Variants in ZNF804A observed in about 807,000 individuals in gnomAD.
The protein encoded by ZNF804A is zinc finger protein 804A.
ZNF804A carries 2 observed loss-of-function variants against 16.5 expected under a neutral mutation model. The observed-to-expected ratio is 0.12, with a 90% CI of 0.05 to 0.38. The LOEUF (loss-of-function observed/expected upper bound fraction) is 0.38, where lower values mean the gene tolerates loss of function less well. Ranked by LOEUF, ZNF804A falls within the 10% of genes least tolerant of loss-of-function variation. The pLI is 0.99. For synonymous variants in ZNF804A, 534 were observed against 489.6 expected, an observed-to-expected ratio of 1.09 and a Z score of -1.20; for missense variants, 1,473 against 1,390.7, an observed-to-expected ratio of 1.06 and a Z score of -0.94.
intron 1 of ZNF804A, among the ~76,000 whole-genome samples, chr2:184,748,047 C>T (rs1444432691): frequency 1.3e-5 from 2 of 151,272 alleles, no homozygotes; most frequent in Non-Finnish European, 3.0e-5. Flanking sequence ...TTGATAGGCA[C>T]TTTGGTTGAT....
chr2:184,870,407 T>A (rs1030917581), intron 2 of ZNF804A, among the ~76,000 whole-genome samples: 1 of 152,034 alleles, frequency 6.6e-6, no homozygotes, highest in African/African-American at 2.4e-5. Context: ...ATCAGAGATA[T>A]TCAACTTAGT....
intron 1 of ZNF804A, among the ~76,000 whole-genome samples, chr2:184,610,956 T>A (rs1377184379): frequency 1.3e-5 from 2 of 152,236 alleles, no homozygotes; most frequent in Non-Finnish European, 2.9e-5. Flanking sequence ...CATTTCCTTT[T>A]TTTCTCAGTG....
chr2:184,629,088 T>A (rs1393631993), intron 1 of ZNF804A, among the ~76,000 whole-genome samples: 1 of 152,178 alleles, frequency 6.6e-6, no homozygotes, highest in African/African-American at 2.4e-5. Context: ...CTGTTGACAT[T>A]GTTCACTTGT....
rs1027937510 is a variant in ZNF804A at position 184,784,494 on chromosome 2, A to G, written c.112-81875A>G. Among the ~76,000 whole-genome samples the G allele has an allele frequency of 3.3e-5, 5 of 152,020 alleles. No individual in the cohort carries two copies. In the East Asian group the frequency reaches 7.8e-4, roughly 24 times the overall value. On this transcript the variant is annotated intron_variant, in intron 1 of 3. Coordinates refer to ENST00000302277, the MANE Select transcript of ZNF804A (RefSeq NM_194250.2). Reference sequence around the variant, plus strand: ...CAAAAGGTTTTGTTGGTTTGTTTTTATATACCTACAGCAGTAGGAAATAGG... The same window carrying G: ...CAAAAGGTTTTGTTGGTTTGTTTTTGTATACCTACAGCAGTAGGAAATAGG...
intron 1 of ZNF804A, among the ~76,000 whole-genome samples, chr2:184,600,845 T>C (rs572688718): frequency 6.6e-6 from 1 of 152,288 alleles, no homozygotes; most frequent in African/African-American, 2.4e-5. Context: ...TCTTCATGAC[T>C]TACATTTGCA....
intron 1 of ZNF804A, among the ~76,000 whole-genome samples, chr2:184,680,949 A>C (rs143750158): frequency 3.9e-5 from 6 of 152,242 alleles, no homozygotes; most frequent in African/African-American, 1.4e-4. Flanking sequence ...AGCTGCTTGC[A>C]GTGTGCCTGG....
At chr2:184,866,286 T>C in intron 1 of ZNF804A, 83 bp from the exon 2 acceptor site, 1 of 1,275,398 alleles carries the variant, frequency 7.8e-7, no homozygotes. Context: ...ACTCTAATTA[T>C]TGTACTATAG....
rs532380772 is a variant in ZNF804A, at chr2:184,763,756, C to A, written c.112-102613C>A. 4.2e-3 allele frequency among the ~76,000 whole-genome samples: 617 copies of A among 147,754 alleles called. 5 individuals are homozygous for A. Among genetic ancestry groups the A allele is most frequent in the African/African-American group, 0.015 (586 of 40,410 alleles). On this transcript the variant is annotated intron_variant, in intron 1 of 3. Coordinates refer to ENST00000302277, the MANE Select transcript of ZNF804A (RefSeq NM_194250.2). ...CTCCCGGGTTCATGCCATTCTCCTG[C>A]CTCAGCCTCCTGAGTAGCTGGGACT...
intron 1 of ZNF804A, among the ~76,000 whole-genome samples, chr2:184,619,230 T>C (rs1337086800): frequency 1.3e-5 from 2 of 152,100 alleles, no homozygotes; most frequent in East Asian, 3.8e-4. Context: ...ATAAATATTA[T>C]ATAGATTTAT....
intron 1 of ZNF804A, among the ~76,000 whole-genome samples, chr2:184,748,933 C>G (rs571554813): frequency 1.3e-5 from 2 of 151,314 alleles, no homozygotes; most frequent in African/African-American, 4.8e-5. Flanking sequence ...CTAGTCTGTT[C>G]CATTGGTCTG....
intron 1 of ZNF804A, among the ~76,000 whole-genome samples, chr2:184,623,974 G>C (rs1331756993): frequency 6.6e-6 from 1 of 152,146 alleles, no homozygotes; most frequent in Non-Finnish European, 1.5e-5. Context: ...CGAGAAATCA[G>C]TATGCTTATT....
chr2:184,793,784 A>G (rs1694588889), intron 1 of ZNF804A, among the ~76,000 whole-genome samples: 1 of 152,088 alleles, frequency 6.6e-6, no homozygotes, highest in African/African-American at 2.4e-5. Context: ...TTTCATCCTC[A>G]TAGCTGAGCT....
intron 1 of ZNF804A, among the ~76,000 whole-genome samples, chr2:184,730,641 A>G (rs1335273609): frequency 6.6e-6 from 1 of 151,982 alleles, no homozygotes; most frequent in Non-Finnish European, 1.5e-5. Flanking sequence ...GCTTTTTCAG[A>G]TTTGCTTCTT....
At chr2:184,721,739 T>A (rs1217113158) in intron 1 of ZNF804A, among the ~76,000 whole-genome samples, 4 of 152,106 alleles carry the variant, frequency 2.6e-5, no homozygotes, top group African/African-American at 9.7e-5. Flanking sequence ...CTCACTAGTG[T>A]GTATTTATTG....
chr2:184,754,431 G>C (rs550153503), intron 1 of ZNF804A, among the ~76,000 whole-genome samples: 1 of 151,870 alleles, frequency 6.6e-6, no homozygotes, highest in African/African-American at 2.4e-5. Context: ...CCTCTGTTAA[G>C]TGTCTAGTGC....
chr2:184,907,603 A>T (rs897300322), intron 2 of ZNF804A, among the ~76,000 whole-genome samples: 3 of 152,130 alleles, frequency 2.0e-5, no homozygotes, highest in African/African-American at 7.2e-5. Context: ...GGTTGAATGA[A>T]GTTGTGTCTT....
chr2:184,765,441 C>G (rs1009134927), intron 1 of ZNF804A, among the ~76,000 whole-genome samples: 1 of 152,078 alleles, frequency 6.6e-6, no homozygotes, highest in Non-Finnish European at 1.5e-5. Flanking sequence ...AAGACCCACC[C>G]CTGACCTAAT....
intron 1 of ZNF804A, among the ~76,000 whole-genome samples, chr2:184,812,529 C>T (rs559734629): frequency 5.2e-4 from 79 of 152,064 alleles, no homozygotes; most frequent in African/African-American, 1.7e-3. Context: ...AGAGGAAAAG[C>T]GAGAAGGAGT....
chr2:184,914,709 T>C (rs1685418107), intron 2 of ZNF804A, among the ~76,000 whole-genome samples: 1 of 152,048 alleles, frequency 6.6e-6, no homozygotes, highest in Admixed American at 6.6e-5. Context: ...TATATATACA[T>C]AACATTTTTG....
Sources: gnomAD v4.1 joint callset for allele counts (sites outside exome capture counted in the v4.1 genomes callset) on GRCh38, gnomAD v4.1.1 for gene constraint, MANE v1.5 for transcripts, NCBI Gene and HGNC (gene_info 2026-07-23, HGNC 2026-07-21) for gene names.